Variants in MALRD1 observed in about 807,000 individuals in gnomAD.
MALRD1 encodes the protein MAM and LDL-receptor class A domain-containing protein 1.
A neutral mutation model predicts 242.1 loss-of-function variants in MALRD1; 247 were observed. That is an observed-to-expected ratio of 1.02 (90% CI 0.92 to 1.13). The LOEUF (loss-of-function observed/expected upper bound fraction) is 1.13. MALRD1 is among the 50% of genes most tolerant of loss of function. The pLI is 0.00. For synonymous variants in MALRD1, 995 were observed against 866.6 expected, an observed-to-expected ratio of 1.15 and a Z score of -2.60; for missense variants, 2,989 against 2,533.1, an observed-to-expected ratio of 1.18 and a Z score of -3.86.
chr10:19,415,456 AAAT>A (rs1833479308), intron 28 of MALRD1, among the ~76,000 whole-genome samples: 1 of 152,198 alleles, frequency 6.6e-6, no homozygotes, highest in African/African-American at 2.4e-5. Flanking sequence ...TTATCTTCAT[AAAT>A]AATGTGTTAT....
intron 12 of MALRD1, among the ~76,000 whole-genome samples, chr10:19,156,182 T>A (rs1834136550): frequency 6.6e-6 from 1 of 152,226 alleles, no homozygotes; most frequent in South Asian, 2.1e-4. Context: ...TTCCGAGGTA[T>A]AAACCTAATT....
At chr10:19,175,366 T>TA in intron 14 of MALRD1, 38 bp downstream of exon 14, 2 of 1,218,746 alleles carry the variant, frequency 1.6e-6, no homozygotes, top group African/African-American at 3.1e-5. Context: ...TTTTAAACAT[T>TA]GAATTAAGCT....
Position 19,142,213 on chromosome 10 carries a change from A to G in MALRD1, c.1412-3985A>G, listed in dbSNP as rs186969355. Reference sequence around the variant, plus strand: ...AAAAAAAAAAGTGGAATGCTAAAACACTTCATGAAGGGAAAGGAAATACCA... The same window carrying G: ...AAAAAAAAAAGTGGAATGCTAAAACGCTTCATGAAGGGAAAGGAAATACCA... On this transcript the variant is annotated intron_variant, in intron 10 of 39. Coordinates refer to ENST00000454679, the MANE Select transcript of MALRD1 (RefSeq NM_001142308.3). Among the ~76,000 whole-genome samples, 27 of 150,016 alleles carry G rather than the reference A, an allele frequency of 1.8e-4. No individual in the cohort carries two copies. In the East Asian group the frequency reaches 4.7e-3, roughly 26 times the overall value.
chr10:19,334,119 G>GTTTTTTTTTTTTT (rs56931838), intron 24 of MALRD1, among the ~76,000 whole-genome samples: 2 of 66,780 alleles, frequency 3.0e-5, no homozygotes, highest in Admixed American at 2.2e-4. Context: ...CTGTTGGTAG[G>GTTTTTTTTTTTTT]TTTTTTTTTT....
At chr10:19,237,360 G>C (rs1173816242) in intron 18 of MALRD1, among the ~76,000 whole-genome samples, 2 of 149,354 alleles carry the variant, frequency 1.3e-5, no homozygotes, top group African/African-American at 2.5e-5. Flanking sequence ...TTTTTTTTAA[G>C]ATTCCACATA....
At chr10:19,384,949 T>C (rs1248878362) in intron 26 of MALRD1, among the ~76,000 whole-genome samples, 1 of 151,692 alleles carries the variant, frequency 6.6e-6, no homozygotes, top group Non-Finnish European at 1.5e-5. Flanking sequence ...CTTCTATGTA[T>C]AGTTTAAGAG....
At chr10:19,494,796 A>G (rs923630959) in intron 30 of MALRD1, among the ~76,000 whole-genome samples, 1 of 152,168 alleles carries the variant, frequency 6.6e-6, no homozygotes, top group Admixed American at 6.5e-5. Flanking sequence ...CAAATCTATG[A>G]ATCACTGGTA....
In MALRD1 at chr10:19,386,729, C is replaced by CACAG. The variant is rs533018845; in HGVS notation, c.4442-796_4442-795insGACA. Among the ~76,000 whole-genome samples the CACAG allele has an allele frequency of 6.3e-3, 961 of 151,640 alleles. 14 individuals are homozygous for CACAG. Among genetic ancestry groups the CACAG allele is most frequent in the African/African-American group, 0.022 (897 of 41,326 alleles). Reference sequence around the variant, plus strand: ...ACAAATACATATACATATACACACACACACACACACACAATACTCTTTTAA... The same window carrying CACAG: ...ACAAATACATATACATATACACACACACAGACACACACACACAATACTCTTTTAA... On this transcript the variant is annotated intron_variant, in intron 26 of 39. Transcript: ENST00000454679.
intron 30 of MALRD1, among the ~76,000 whole-genome samples, chr10:19,493,043 A>G (rs937483359): frequency 2.0e-5 from 3 of 152,236 alleles, no homozygotes; most frequent in African/African-American, 7.2e-5. Flanking sequence ...TTTAAAATGT[A>G]TAATTTAATG....
At chr10:19,305,857 A>G (rs1842143222) in intron 21 of MALRD1, among the ~76,000 whole-genome samples, 1 of 133,848 alleles carries the variant, frequency 7.5e-6, no homozygotes, top group Non-Finnish European at 1.6e-5. Context: ...TATACTATAT[A>G]CTATACTATA....
intron 1 of MALRD1, among the ~76,000 whole-genome samples, chr10:19,062,928 T>C (rs1467943440): frequency 6.6e-6 from 1 of 152,138 alleles, no homozygotes; most frequent in Admixed American, 6.5e-5. Context: ...GGTGGAATGC[T>C]TGAACCCAGA....
intron 21 of MALRD1, among the ~76,000 whole-genome samples, chr10:19,323,068 A>G (rs1051380031): frequency 1.3e-5 from 2 of 151,818 alleles, no homozygotes; most frequent in African/African-American, 4.9e-5. Flanking sequence ...TGTTTCCATC[A>G]TTATTTTTCC....
intron 8 of MALRD1, among the ~76,000 whole-genome samples, chr10:19,129,198 T>C (rs1837376846): frequency 6.6e-6 from 1 of 152,086 alleles, no homozygotes. Context: ...CAGATGTCAA[T>C]CACAAGCTTC....
At chr10:19,487,896 G>A (rs1194953060) in intron 29 of MALRD1, among the ~76,000 whole-genome samples, 4 of 152,018 alleles carry the variant, frequency 2.6e-5, no homozygotes, top group Non-Finnish European at 5.9e-5. Context: ...ACAGGTTTTA[G>A]CTATTGTATT....
chr10:19,193,124 A>G (rs571124461), intron 14 of MALRD1, among the ~76,000 whole-genome samples: 3 of 152,346 alleles, frequency 2.0e-5, no homozygotes, highest in African/African-American at 7.2e-5. Flanking sequence ...GTTCCTGGAA[A>G]TACTGTATGC....
intron 19 of MALRD1, among the ~76,000 whole-genome samples, chr10:19,265,338 A>T (rs1049071323): frequency 1.3e-5 from 2 of 150,740 alleles, no homozygotes; most frequent in Non-Finnish European, 1.5e-5. Context: ...TTATTTCTGA[A>T]TTTTTTTTAT....
At chr10:19,048,604 G>C (rs753355260), upstream of MALRD1, among the ~76,000 whole-genome samples, 7 of 152,068 alleles carry the variant, frequency 4.6e-5, no homozygotes, top group Non-Finnish European at 1.0e-4. Flanking sequence ...TGTTTATTTA[G>C]CTGGCCTTTA....
intron 28 of MALRD1, among the ~76,000 whole-genome samples, chr10:19,435,585 T>C (rs1179250465): frequency 6.6e-6 from 1 of 152,096 alleles, no homozygotes; most frequent in African/African-American, 2.4e-5. Flanking sequence ...AATGAATAGA[T>C]TGGGGTAATA....
At chr10:19,524,307 C>G (rs1401982839) in intron 31 of MALRD1, among the ~76,000 whole-genome samples, 3 of 151,956 alleles carry the variant, frequency 2.0e-5, no homozygotes, top group African/African-American at 4.8e-5. Context: ...GAAACCCTGT[C>G]TCTACTAAAA....
Sources: gnomAD v4.1 joint callset for allele counts (sites outside exome capture counted in the v4.1 genomes callset) on GRCh38, gnomAD v4.1.1 for gene constraint, MANE v1.5 for transcripts, NCBI Gene and HGNC (gene_info 2026-07-23, HGNC 2026-07-21) for gene names.